KCNK5: variants seen among roughly 807,000 people sequenced by gnomAD.
KCNK5 encodes the protein potassium two pore domain channel subfamily K member 5, also known as potassium channel subfamily K member 5.
A neutral mutation model predicts 32.9 loss-of-function variants in KCNK5; 18 were observed. That is an observed-to-expected ratio of 0.55 (90% CI 0.38 to 0.81). The LOEUF (loss-of-function observed/expected upper bound fraction) is 0.81. KCNK5 is among the 30% of genes least tolerant of loss of function. The pLI, the probability that KCNK5 is intolerant of heterozygous loss-of-function variation, is 0.00. For synonymous variants in KCNK5, 276 were observed against 275.3 expected (o/e 1.00, Z -0.03); for missense variants, 507 against 651.0 (o/e 0.78, Z 2.41).
intron 1 of KCNK5, among the ~76,000 whole-genome samples, chr6:39,216,860 A>G (rs1326405526): frequency 1.3e-5 from 2 of 151,736 alleles, no homozygotes; most frequent in African/African-American, 2.4e-5. Flanking sequence ...GGTGGCTCAC[A>G]CCCCTAATCC....
At chr6:39,198,693 G>C (rs1321264982) in intron 1 of KCNK5, among the ~76,000 whole-genome samples, 1 of 152,194 alleles carries the variant, frequency 6.6e-6, no homozygotes, top group Non-Finnish European at 1.5e-5. Flanking sequence ...TCTATCCAGG[G>C]CTGGGAGGTA....
rs1404257323 is a variant in KCNK5, at chr6:39,189,210, T to C, written c.*1680A>G. 6.6e-6 allele frequency: 1 copy of C among 152,130 alleles called. No homozygotes were observed. Among genetic ancestry groups the C allele is most frequent in the African/African-American group, 2.4e-5 (1 of 41,428 alleles). The allele number at this position is 152,130 out of a possible 1,614,324, so 9.4% of individuals were successfully genotyped here. A position where few individuals can be genotyped will look rare whatever the true frequency, so the allele number is the denominator to read the frequency against. On this transcript the variant is annotated 3_prime_UTR_variant, in exon 5 of 5. Transcript: ENST00000359534. ...CGTGCCCATCACTGTCTTCACATGT[T>C]GGGGAGGTGGGCTCTGGCCCCACTG... is the stretch of plus-strand genomic sequence containing the variant.
chr6:39,192,938 C>T (rs9688917), intron 4 of KCNK5, among the ~76,000 whole-genome samples: 4,197 of 152,238 alleles, frequency 0.028, 193 homozygotes, highest in African/African-American at 0.095. Flanking sequence ...GGTCAGTTCT[C>T]CTCCCACGAC....
chr6:39,223,786 C>G (rs995446069), intron 1 of KCNK5, among the ~76,000 whole-genome samples: 1 of 152,172 alleles, frequency 6.6e-6, no homozygotes, highest in African/African-American at 2.4e-5. Flanking sequence ...GGCCCGAGGT[C>G]AGGGCCAGCC....
intron 1 of KCNK5, among the ~76,000 whole-genome samples, chr6:39,201,276 G>A (rs1226675521): frequency 6.7e-5 from 10 of 148,472 alleles, no homozygotes; most frequent in Admixed American, 1.3e-4. Context: ...TTTGCGATGA[G>A]AGTCTCACTC....
chr6:39,203,542 T>G (rs1771167794), intron 1 of KCNK5, among the ~76,000 whole-genome samples: 1 of 152,108 alleles, frequency 6.6e-6, no homozygotes, highest in Admixed American at 6.5e-5. Flanking sequence ...TTCCCCCCCA[T>G]CACCCCTGGC....
Position 39,212,984 on chromosome 6 carries a change from G to A in KCNK5, c.186+15942C>T, listed in dbSNP as rs568013601. On this transcript the variant is annotated intron_variant, in intron 1 of 4. Transcript: ENST00000359534. ...CAGTCAGGTGTTCAATACAGTCCCCGGGAACCAATCCAGGTTGGTATCCTT... is the reference window on the plus strand; with the variant it reads ...CAGTCAGGTGTTCAATACAGTCCCCAGGAACCAATCCAGGTTGGTATCCTT... Among the ~76,000 whole-genome samples the A allele has an allele frequency of 8.5e-5, 13 of 152,232 alleles. 1 individual carries two copies. The highest frequency in any genetic ancestry group is 2.2e-4 in the African/African-American group (9 of 41,546).
At chr6:39,228,791 C>T in intron 1 of KCNK5, 135 bp downstream of exon 1, 3 of 807,136 alleles carry the variant, frequency 3.7e-6, no homozygotes, top group Non-Finnish European at 5.9e-6. Context: ...CATGATGAGA[C>T]ACGCTCTCTC....
At chr6:39,227,799 GCGA>G (rs1173867542) in intron 1 of KCNK5, among the ~76,000 whole-genome samples, 1 of 152,180 alleles carries the variant, frequency 6.6e-6, no homozygotes, top group Non-Finnish European at 1.5e-5. Context: ...TGGAAAATGA[GCGA>G]CGACTAGATA....
intron 1 of KCNK5, among the ~76,000 whole-genome samples, chr6:39,212,971 C>T (rs1443331498): frequency 6.6e-6 from 1 of 152,178 alleles, no homozygotes; most frequent in African/African-American, 2.4e-5. Context: ...GTCAGGTGTT[C>T]AATACAGTCC....
At chr6:39,206,767 T>C (rs1771232734) in intron 1 of KCNK5, among the ~76,000 whole-genome samples, 1 of 152,146 alleles carries the variant, frequency 6.6e-6, no homozygotes, top group Non-Finnish European at 1.5e-5. Flanking sequence ...CTGGGGCATG[T>C]CTTATCACCT....
rs1021245565 is a variant in KCNK5, at chr6:39,190,691, G to T, written c.*199C>A. On this transcript the variant is annotated 3_prime_UTR_variant, in exon 5 of 5. Transcript: ENST00000359534. ...ACAGATGCCCCCACAGCCAGGGTAT[G>T]GTTCAGCTGGAGAACAGAGGCCCTG... 2.0e-6 allele frequency: 1 copy of T among 502,878 alleles called. No individual in the cohort carries two copies. The highest frequency in any genetic ancestry group is 4.7e-5 in the South Asian group (1 of 21,226). The allele number at this position is 502,878 out of a possible 1,614,324, so 31.2% of individuals were successfully genotyped here.
intron 1 of KCNK5, among the ~76,000 whole-genome samples, chr6:39,212,703 T>A (rs1583715628): frequency 1.3e-5 from 2 of 152,226 alleles, no homozygotes; most frequent in East Asian, 3.9e-4. Context: ...GGGAAATGGA[T>A]CAACACTGGA....
At chr6:39,213,957 T>C (rs1347419541) in intron 1 of KCNK5, among the ~76,000 whole-genome samples, 1 of 150,156 alleles carries the variant, frequency 6.7e-6, no homozygotes, top group African/African-American at 2.5e-5. Context: ...ACCCAGGAGG[T>C]GGAGGTTGCA....
chr6:39,211,736 G>A (rs919409336), intron 1 of KCNK5, among the ~76,000 whole-genome samples: 11 of 152,264 alleles, frequency 7.2e-5, no homozygotes, highest in Admixed American at 2.6e-4. Flanking sequence ...GGCCAACGTG[G>A]GTAGATCACA....
At chr6:39,217,286 C>T (rs575587852) in intron 1 of KCNK5, among the ~76,000 whole-genome samples, 20 of 152,176 alleles carry the variant, frequency 1.3e-4, no homozygotes, top group African/African-American at 4.3e-4. Flanking sequence ...CGAGATCACA[C>T]AAGCAGCAGA....
intron 1 of KCNK5, among the ~76,000 whole-genome samples, chr6:39,200,603 G>C (rs866295183): frequency 6.6e-6 from 1 of 152,132 alleles, no homozygotes; most frequent in African/African-American, 2.4e-5. Context: ...AAGGCCACAG[G>C]AAAGAGGCCT....
chr6:39,227,132 C>T (rs9471015), intron 1 of KCNK5, among the ~76,000 whole-genome samples: 2 of 151,388 alleles, frequency 1.3e-5, no homozygotes, highest in South Asian at 4.2e-4. Flanking sequence ...GTATGCCCCG[C>T]CAGCCTTTCC....
At chr6:39,196,491 ACCTGCAGAGACCAGGT>A (rs1319005619) in intron 1 of KCNK5, among the ~76,000 whole-genome samples, 3 of 152,140 alleles carry the variant, frequency 2.0e-5, no homozygotes, top group Non-Finnish European at 4.4e-5. Context: ...AGGGTGTTCT[ACCTGCAGAGACCAGGT>A]CCTTGTTCAG....
Sources: allele counts gnomAD v4.1 joint callset (sites outside exome capture counted in the v4.1 genomes callset), GRCh38; gene constraint gnomAD v4.1.1; transcripts MANE v1.5; gene names NCBI Gene and HGNC (gene_info 2026-07-23, HGNC 2026-07-21).